The following SATB2 variants were observed in gnomAD, a reference collection of about 807,000 sequenced individuals.
The protein encoded by SATB2 is DNA-binding protein SATB2.
A neutral mutation model predicts 73.4 loss-of-function variants in SATB2; 1 was observed. That is an observed-to-expected ratio of 0.01 (90% CI 0.00 to 0.06). The LOEUF (loss-of-function observed/expected upper bound fraction) is 0.06. Among genes scored for constraint, SATB2 ranks in the 10% least tolerant of loss-of-function variants. SATB2 has a pLI of 1.00. For synonymous variants in SATB2, 397 were observed against 367.0 expected, an observed-to-expected ratio of 1.08 and a Z score of -0.93; for missense variants, 459 against 945.8, an observed-to-expected ratio of 0.49 and a Z score of 6.75.
upstream of SATB2, among the ~76,000 whole-genome samples, chr2:199,461,732 T>TC (rs1380972185): frequency 6.6e-6 from 1 of 152,214 alleles, no homozygotes; most frequent in Admixed American, 6.5e-5. Context: ...CGCCTGTTTT[T>TC]CACAAACACG....
intron 5 of SATB2, among the ~76,000 whole-genome samples, chr2:199,372,384 T>C (rs1394609337): frequency 1.3e-5 from 2 of 152,228 alleles, no homozygotes; most frequent in African/African-American, 4.8e-5. Context: ...TTTATAATAT[T>C]GGTATTTAAT....
chr2:199,439,934 G>A (rs916065347), intron 2 of SATB2, among the ~76,000 whole-genome samples: 15 of 151,972 alleles, frequency 9.9e-5, no homozygotes, highest in African/African-American at 2.9e-4. Flanking sequence ...TGAGACCCCC[G>A]TATCTACTAA....
At chr2:199,465,922 A>G (rs1433941116), upstream of SATB2, among the ~76,000 whole-genome samples, 7 of 152,248 alleles carry the variant, frequency 4.6e-5, no homozygotes, top group Admixed American at 4.6e-4. Context: ...TTTGCAAACC[A>G]AGACCAGGGA....
intron 3 of SATB2, among the ~76,000 whole-genome samples, chr2:199,426,356 T>G (rs962562239): frequency 6.6e-6 from 1 of 152,098 alleles, no homozygotes; most frequent in Admixed American, 6.6e-5. Context: ...TGGCACAATC[T>G]CAGCTCACTA....
chr2:199,441,179 T>C (rs574780143), intron 2 of SATB2, among the ~76,000 whole-genome samples: 2 of 152,220 alleles, frequency 1.3e-5, no homozygotes, highest in East Asian at 1.9e-4. Context: ...AACTGAGCCA[T>C]ACATACAATA....
At chr2:199,469,257 G>A (rs1692656264), upstream of SATB2, among the ~76,000 whole-genome samples, 1 of 152,194 alleles carries the variant, frequency 6.6e-6, no homozygotes, top group Admixed American at 6.5e-5. Flanking sequence ...GAGCGTGTCA[G>A]TCACCCGCTC....
intron 9 of SATB2, among the ~76,000 whole-genome samples, chr2:199,311,858 G>A (rs1037534424): frequency 6.6e-6 from 1 of 151,958 alleles, no homozygotes; most frequent in Admixed American, 6.6e-5. Context: ...TTCTCAATAC[G>A]GTCTCTTATT....
intron 2 of SATB2, among the ~76,000 whole-genome samples, chr2:199,451,449 T>TA (rs753267178): frequency 0.13 from 16,371 of 129,770 alleles, 1,320 homozygotes; most frequent in African/African-American, 0.25. Context: ...CTTAAAACCT[T>TA]AAAAAAAAAA....
intron 3 of SATB2, among the ~76,000 whole-genome samples, chr2:199,414,305 T>G (rs978424786): frequency 3.9e-5 from 6 of 152,162 alleles, no homozygotes; most frequent in Non-Finnish European, 7.3e-5. Flanking sequence ...TTTTGAATTT[T>G]CAAAGCAATT....
At chr2:199,390,991 A>G (rs576454283) in intron 3 of SATB2, among the ~76,000 whole-genome samples, 14 of 152,224 alleles carry the variant, frequency 9.2e-5, no homozygotes, top group East Asian at 1.9e-4. Context: ...AGGCAAACGT[A>G]TATTCATTTA....
intron 9 of SATB2, among the ~76,000 whole-genome samples, chr2:199,323,482 C>T (rs1048328162): frequency 2.3e-4 from 33 of 146,424 alleles, no homozygotes; most frequent in East Asian, 1.0e-3. Flanking sequence ...TTCATACACA[C>T]ACACACACAC....
At chr2:199,368,793 C>T (rs1299242155) in intron 5 of SATB2, 86 bp from the exon 6 acceptor site, 4 of 727,152 alleles carry the variant, frequency 5.5e-6, no homozygotes, top group African/African-American at 3.6e-5. Flanking sequence ...CCTGCACTAA[C>T]CTCTTTTTTC....
intron 6 of SATB2, among the ~76,000 whole-genome samples, chr2:199,365,315 G>A (rs1014145007): frequency 1.3e-5 from 2 of 151,268 alleles, no homozygotes; most frequent in African/African-American, 4.9e-5. Flanking sequence ...AAAAAAAAAT[G>A]CTGTCTAAAC....
chr2:199,394,275 G>A (rs796278426), intron 3 of SATB2, among the ~76,000 whole-genome samples: 7 of 152,280 alleles, frequency 4.6e-5, no homozygotes, highest in African/African-American at 1.7e-4. Flanking sequence ...TGCTCAGGAA[G>A]AGTGATGCTG....
chr2:199,308,965 G>A lies in SATB2; in HGVS notation c.1543-8C>T. 6.2e-7 allele frequency: 1 copy of A among 1,613,490 alleles called. No homozygotes were observed. Among genetic ancestry groups the A allele is most frequent in the Non-Finnish European group, 8.5e-7 (1 of 1,179,482 alleles). On this transcript the variant is annotated splice_region_variant and splice_polypyrimidine_tract_variant and intron_variant, in intron 9 of 10. Coordinates refer to ENST00000417098, the MANE Select transcript of SATB2 (RefSeq NM_001172509.2). The surrounding 1 kb of genome is among the most constrained non-coding windows in gnomAD (Gnocchi z 4.6). ...CAGTTCACACAGCCAGCCCTGTAGAGAGAGGAGGTCGCTTGCATTAACCTG... is the reference window on the plus strand; with the variant it reads ...CAGTTCACACAGCCAGCCCTGTAGAAAGAGGAGGTCGCTTGCATTAACCTG...
At chr2:199,456,159 G>C (rs1424355400) in intron 1 of SATB2, 63 bp from the exon 2 acceptor site, 2 of 936,366 alleles carry the variant, frequency 2.1e-6, no homozygotes, top group African/African-American at 3.2e-5. Flanking sequence ...GCTCATACAC[G>C]TGATAGACGT....
chr2:199,417,650 G>A (rs918671682), intron 3 of SATB2, among the ~76,000 whole-genome samples: 1 of 152,100 alleles, frequency 6.6e-6, no homozygotes, highest in African/African-American at 2.4e-5. Context: ...TAATTACAAA[G>A]CTATCAGTGA....
intron 2 of SATB2, among the ~76,000 whole-genome samples, chr2:199,446,443 G>A (rs1691964568): frequency 6.6e-6 from 1 of 151,780 alleles, no homozygotes; most frequent in Non-Finnish European, 1.5e-5. Context: ...TTTAATTGCT[G>A]TTTACTTGGG....
At chr2:199,303,301 T>C (rs987127039) in intron 10 of SATB2, among the ~76,000 whole-genome samples, 6 of 152,212 alleles carry the variant, frequency 3.9e-5, no homozygotes, top group South Asian at 2.1e-4. Flanking sequence ...ATAAGACATG[T>C]GAAAATCTCA....
Sources: gnomAD v4.1 joint callset for allele counts (sites outside exome capture counted in the v4.1 genomes callset) on GRCh38, gnomAD v4.1.1 for gene constraint, Gnocchi (gnomAD v3.1) non-coding constraint, MANE v1.5 for transcripts, NCBI Gene and HGNC (gene_info 2026-07-23, HGNC 2026-07-21) for gene names.